Variants in ZC2HC1A observed in about 807,000 individuals in gnomAD.
The protein encoded by ZC2HC1A is zinc finger C2HC-type containing 1A.
In ZC2HC1A, 28 loss-of-function variants were observed where a neutral mutation model predicts 40.7. That is an observed-to-expected ratio of 0.69 (90% CI 0.51 to 0.94). The LOEUF (loss-of-function observed/expected upper bound fraction) is 0.94, where lower values mean the gene tolerates loss of function less well. ZC2HC1A is among the 40% of genes least tolerant of loss of function. The pLI is 0.00. For synonymous variants in ZC2HC1A, 129 were observed against 129.2 expected (o/e 1.00, Z 0.01); for missense variants, 389 against 386.3 (o/e 1.01, Z -0.06).
chr8:78,689,128 A>G (rs1810123383), intron 4 of ZC2HC1A, 94 bp from the exon 5 acceptor site: 4 of 927,034 alleles, frequency 4.3e-6, no homozygotes, highest in Non-Finnish European at 4.4e-6. Flanking sequence ...GTTATTACTT[A>G]TATTTTTTGA....
intron 7 of ZC2HC1A, among the ~76,000 whole-genome samples, chr8:78,704,306 C>G (rs201091797): frequency 2.0e-5 from 3 of 148,408 alleles, no homozygotes; most frequent in African/African-American, 5.0e-5. Context: ...GAGAATTGCT[C>G]GAACCCAGGA....
At chr8:78,703,876 A>T (rs888793724) in intron 7 of ZC2HC1A, among the ~76,000 whole-genome samples, 4 of 152,088 alleles carry the variant, frequency 2.6e-5, no homozygotes, top group African/African-American at 9.7e-5. Context: ...GTTTTACAGT[A>T]TTACTGGTCT....
chr8:78,687,694 G>A (rs1357463333), intron 4 of ZC2HC1A, among the ~76,000 whole-genome samples: 10 of 97,960 alleles, frequency 1.0e-4, no homozygotes, highest in South Asian at 6.6e-4. Context: ...ATATATTTAC[G>A]TAATACATTA....
intron 7 of ZC2HC1A, among the ~76,000 whole-genome samples, chr8:78,705,529 G>A (rs1446424475): frequency 6.6e-6 from 1 of 152,174 alleles, no homozygotes; most frequent in Non-Finnish European, 1.5e-5. Context: ...ACTCCAGTTG[G>A]GAGGCTCCAC....
At chr8:78,713,076 C>T (rs1810998715) in intron 7 of ZC2HC1A, among the ~76,000 whole-genome samples, 1 of 152,116 alleles carries the variant, frequency 6.6e-6, no homozygotes, top group Admixed American at 6.6e-5. Flanking sequence ...GCAGATCTCA[C>T]AGTAACAGTG....
chr8:78,685,094 G>C (rs1809922876), intron 3 of ZC2HC1A, among the ~76,000 whole-genome samples: 1 of 151,966 alleles, frequency 6.6e-6, no homozygotes, highest in Non-Finnish European at 1.5e-5. Flanking sequence ...TGAAAATACT[G>C]GTACTAACAA....
chr8:78,697,488 G>T lies in ZC2HC1A; in HGVS notation c.586G>T (p.Ala196Ser), dbSNP rs201671046. ...TTCACGATTACCGCAGCCAAGTGGC[G>T]CTGGCAAAACTGTTGTAGGTAATGA... ...GSSRLPQPSG[A>S]GKTVVGVPSG... Residue 196 changes from alanine to serine, a missense_variant, in exon 6 of 9, where the codon GCT becomes TCT. Physicochemically the swap from Ala to Ser is moderately conservative, Grantham distance 99 (BLOSUM62 1). Coordinates refer to ENST00000263849, the MANE Select transcript of ZC2HC1A (RefSeq NM_016010.3). 3.7e-6 allele frequency: 6 copies of T among 1,607,510 alleles called. No individual in the cohort carries two copies. In the African/African-American group the frequency reaches 5.4e-5, roughly 14 times the overall value.
rs1413530586 is a variant in ZC2HC1A, at chr8:78,717,352, C to T, written c.837C>T (p.Ser279=). The T allele has an allele frequency of 1.3e-5, 21 of 1,609,750 alleles. No individual in the cohort carries two copies. The highest frequency in any genetic ancestry group is 2.7e-5 in the African/African-American group (2 of 74,560). The change falls in exon 9 of 9, where the codon TCC becomes TCT. Residue 279 remains serine, a synonymous_variant. Transcript: ENST00000263849. ...GGCCAGATGGGGACTGTGCATCTTC[C>T]CTTAATGGTGGAAATATTAAAGGCA... is the stretch of plus-strand genomic sequence containing the variant. ...IARPDGDCAS[S]LNGGNIKGIE... is the part of the protein sequence containing the mutation.
chr8:78,694,041 G>A (rs1050842190), intron 5 of ZC2HC1A, among the ~76,000 whole-genome samples: 1 of 152,128 alleles, frequency 6.6e-6, no homozygotes, highest in Non-Finnish European at 1.5e-5. Flanking sequence ...TCAGATAGTT[G>A]TAGATGTGTG....
chr8:78,704,429 A>G (rs988433047), intron 7 of ZC2HC1A, among the ~76,000 whole-genome samples: 1 of 151,650 alleles, frequency 6.6e-6, no homozygotes, highest in African/African-American at 2.4e-5. Flanking sequence ...TTGGTCCCCA[A>G]TATCTTCTGG....
rs771464722 is a variant in ZC2HC1A, at chr8:78,678,596, A to G, written c.127A>G (p.Thr43Ala). The change falls in exon 3 of 9, where the codon ACT becomes GCT. Residue 43 changes from threonine (T) to alanine (A), a missense_variant. By Grantham distance (58) the Thr-to-Ala change is moderately conservative. Transcript: ENST00000263849. ...TGGACCCATTTGCCAGAAGACTGCAACTAAAAAACGGAAGACTTTTGATTC... is the reference window on the plus strand; with the variant it reads ...TGGACCCATTTGCCAGAAGACTGCAGCTAAAAAACGGAAGACTTTTGATTC... ...KHGPICQKTA[T>A]KKRKTFDSSR... 4 of 1,612,280 alleles carry G rather than the reference A, an allele frequency of 2.5e-6. No homozygotes were observed. Among genetic ancestry groups the G allele is most frequent in the Non-Finnish European group, 3.4e-6 (4 of 1,179,248 alleles).
At chr8:78,685,797 CAG>C (rs1331263163) in intron 3 of ZC2HC1A, 1 of 152,106 alleles carries the variant, frequency 6.6e-6, no homozygotes, top group African/African-American at 2.4e-5. Context: ...TATGGAAAAA[CAG>C]GGAAATACAC....
intron 8 of ZC2HC1A, among the ~76,000 whole-genome samples, chr8:78,717,068 AT>A (rs1811129322): frequency 6.6e-6 from 1 of 152,296 alleles, no homozygotes; most frequent in Admixed American, 6.5e-5. Context: ...CTTTATAGCA[AT>A]GTGAGAACAG....
intron 1 of ZC2HC1A, among the ~76,000 whole-genome samples, chr8:78,673,729 A>C (rs1809497595): frequency 6.6e-6 from 1 of 152,202 alleles, no homozygotes. Flanking sequence ...ACACATGCAC[A>C]TGCCATATTT....
At chr8:78,676,302 TTAA>T (rs1466817934) in intron 2 of ZC2HC1A, among the ~76,000 whole-genome samples, 1 of 151,920 alleles carries the variant, frequency 6.6e-6, no homozygotes, top group African/African-American at 2.4e-5. Flanking sequence ...TAAATGGTAG[TTAA>T]TTATCCTTTT....
chr8:78,710,011 A>G (rs1810904543), intron 7 of ZC2HC1A, among the ~76,000 whole-genome samples: 1 of 152,178 alleles, frequency 6.6e-6, no homozygotes, highest in Admixed American at 6.5e-5. Context: ...TCGTAAGTGA[A>G]TTCACTCTCC....
chr8:78,708,571 GCAAT>G (rs780481433), intron 7 of ZC2HC1A, among the ~76,000 whole-genome samples: 1 of 150,840 alleles, frequency 6.6e-6, no homozygotes, highest in Admixed American at 6.6e-5. Context: ...GTAAAAAAAA[GCAAT>G]CAAATCAATT....
intron 5 of ZC2HC1A, among the ~76,000 whole-genome samples, chr8:78,696,605 C>A (rs1375557871): frequency 6.6e-6 from 1 of 152,106 alleles, no homozygotes; most frequent in African/African-American, 2.4e-5. Context: ...ATAAAGATGT[C>A]TCTTTAGAGG....
At chr8:78,715,431 C>G in intron 8 of ZC2HC1A, 103 bp downstream of exon 8, 1 of 1,105,910 alleles carries the variant, frequency 9.0e-7, no homozygotes, top group Non-Finnish European at 1.2e-6. Context: ...TTATAGAAAA[C>G]CTGATTTTTT....
Sources: allele counts gnomAD v4.1 joint callset (sites outside exome capture counted in the v4.1 genomes callset), GRCh38; gene constraint gnomAD v4.1.1; transcripts MANE v1.5; gene names NCBI Gene and HGNC (gene_info 2026-07-23, HGNC 2026-07-21).